The following PCDHA4 variants were observed in gnomAD, a reference collection of about 807,000 sequenced individuals.
PCDHA4 encodes the protein protocadherin alpha-4.
A neutral mutation model predicts 61.4 loss-of-function variants in PCDHA4; 49 were observed. That is an observed-to-expected ratio of 0.80 (90% CI 0.63 to 1.01). PCDHA4 has a LOEUF of 1.01. PCDHA4 is among the 50% of genes least tolerant of loss of function. The pLI, the probability that PCDHA4 is intolerant of heterozygous loss-of-function variation, is 0.00. For synonymous variants in PCDHA4, 590 were observed against 550.3 expected, an observed-to-expected ratio of 1.07 and a Z score of -1.01; for missense variants, 1,254 against 1,235.8, an observed-to-expected ratio of 1.01 and a Z score of -0.22.
chr5:140,838,509 T>C (rs1297577022), intron 1 of PCDHA4, among the ~76,000 whole-genome samples: 1 of 151,988 alleles, frequency 6.6e-6, no homozygotes, highest in Non-Finnish European at 1.5e-5. Context: ...TTTTTAAAAG[T>C]ATTTGCATCT....
intron 1 of PCDHA4, among the ~76,000 whole-genome samples, chr5:140,846,531 T>C (rs1780536785): frequency 6.7e-6 from 1 of 148,410 alleles, no homozygotes; most frequent in African/African-American, 2.5e-5. Flanking sequence ...CATGCCACCA[T>C]GCCCTGCTAA....
At chr5:140,833,334 G>A (rs2150207587) in intron 1 of PCDHA4, among the ~76,000 whole-genome samples, 2 of 152,176 alleles carry the variant, frequency 1.3e-5, no homozygotes, top group Non-Finnish European at 2.9e-5. Context: ...GAACATTGGA[G>A]TGAAACATTC....
intron 2 of PCDHA4, 96 bp from the exon 3 acceptor site, chr5:140,982,379 C>T (rs959359344): frequency 1.4e-5 from 22 of 1,575,004 alleles, no homozygotes; most frequent in South Asian, 3.5e-5. Context: ...TAGCTGCAGC[C>T]CTGGCTTCAT....
chr5:140,934,040 T>C (rs185239175), intron 1 of PCDHA4, among the ~76,000 whole-genome samples: 230 of 152,238 alleles, frequency 1.5e-3, no homozygotes, highest in African/African-American at 5.3e-3. Flanking sequence ...ATTAATGATA[T>C]TAGTCTTTCC....
intron 1 of PCDHA4, chr5:140,884,288 C>T: frequency 6.2e-7 from 1 of 1,613,630 alleles, no homozygotes; most frequent in Non-Finnish European, 8.5e-7. Flanking sequence ...GGAGAGCGGC[C>T]AAGCGCCACA....
At chr5:140,992,188 T>C (rs1193005639) in intron 3 of PCDHA4, among the ~76,000 whole-genome samples, 6 of 152,140 alleles carry the variant, frequency 3.9e-5, no homozygotes, top group African/African-American at 1.4e-4. Flanking sequence ...ATGCTTTCAG[T>C]GATCTATCCA....
chr5:140,902,555 T>C (rs538054274), intron 1 of PCDHA4, among the ~76,000 whole-genome samples: 1 of 152,182 alleles, frequency 6.6e-6, no homozygotes, highest in Non-Finnish European at 1.5e-5. Flanking sequence ...TATACCCAGA[T>C]TTTTGAGGGT....
At chr5:140,835,667 G>A (rs2150241297) in intron 1 of PCDHA4, 2 of 1,613,924 alleles carry the variant, frequency 1.2e-6, no homozygotes, top group Non-Finnish European at 8.5e-7. Context: ...TTACCGCGCG[G>A]GACGGGGGCT....
At chr5:140,962,428 C>G (rs1359949802) in intron 1 of PCDHA4, among the ~76,000 whole-genome samples, 1 of 152,136 alleles carries the variant, frequency 6.6e-6, no homozygotes, top group Non-Finnish European at 1.5e-5. Flanking sequence ...TTTATTGTTA[C>G]TTATCCAAAG....
At chr5:140,875,247 A>T in intron 1 of PCDHA4, 1 of 962,254 alleles carries the variant, frequency 1.0e-6, no homozygotes, top group Non-Finnish European at 1.5e-6. Flanking sequence ...TTACATAATC[A>T]GTCACATGAT....
At chr5:141,006,644 T>C (rs1411431797) in intron 3 of PCDHA4, among the ~76,000 whole-genome samples, 3 of 152,084 alleles carry the variant, frequency 2.0e-5, no homozygotes, top group African/African-American at 7.2e-5. Context: ...ATATAAGAGA[T>C]GATGGTGTCC....
In PCDHA4 at chr5:140,842,019, T is replaced by C. The variant is rs1554138721; in HGVS notation, c.2385+32447T>C. The C allele has an allele frequency of 1.9e-6, 3 of 1,613,812 alleles. No homozygotes were observed. The highest frequency in any genetic ancestry group is 1.6e-4 in the Middle Eastern group (1 of 6,062). ...ACTGTTCAGCTGCTGGTCACAGTGC[T>C]GGATGTGAATGATAATGCTCCCACT... On this transcript the variant is annotated intron_variant, in intron 1 of 3. Transcript: ENST00000530339.
chr5:140,928,473 C>T (rs782009999), intron 1 of PCDHA4: 1 of 1,613,978 alleles, frequency 6.2e-7, no homozygotes, highest in Admixed American at 1.7e-5. Context: ...AAGTAGAAGG[C>T]CGGGATGGTG....
intron 1 of PCDHA4, chr5:140,828,472 C>T (rs1554131328): frequency 1.9e-6 from 3 of 1,614,216 alleles, no homozygotes; most frequent in African/African-American, 1.3e-5. Flanking sequence ...GGGACATTAA[C>T]GACAACCCGC....
rs1402531454 is a variant in PCDHA4 at position 141,011,521 on chromosome 5, TA to T, written c.*1586del. 1 of 153,804 alleles carries T rather than the reference TA, an allele frequency of 6.5e-6. No individual in the cohort carries two copies. The allele number at this position is 153,804 out of a possible 1,614,324, so 9.5% of individuals were successfully genotyped here. A position where few individuals can be genotyped will look rare whatever the true frequency, so the allele number is the denominator to read the frequency against. ...GTGAAAAAGTGGAGTAGTGTTTTTT[TA>T]ACCATTGTTAATCAGCTTTTGTGTA... On this transcript the variant is annotated 3_prime_UTR_variant, in exon 4 of 4. Coordinates refer to ENST00000530339, the MANE Select transcript of PCDHA4 (RefSeq NM_018907.4).
At chr5:140,884,665 A>G (rs1554181817) in intron 1 of PCDHA4, 9 of 1,578,032 alleles carry the variant, frequency 5.7e-6, no homozygotes, top group Non-Finnish European at 7.7e-6. Context: ...TGAAAGAGGT[A>G]AGCTTATATT....
At chr5:140,809,824 C>T (rs1562227381) in intron 1 of PCDHA4, 3 of 381,262 alleles carry the variant, frequency 7.9e-6, no homozygotes, top group Non-Finnish European at 9.3e-6. Flanking sequence ...TATATTCACC[C>T]TCTTTGTTTT....
chr5:140,968,008 C>T, intron 1 of PCDHA4: 1 of 1,614,202 alleles, frequency 6.2e-7, no homozygotes, highest in Non-Finnish European at 8.5e-7. Flanking sequence ...GACTGAATGG[C>T]TTTGGAAACT....
chr5:140,896,980 C>A (rs2065827913), intron 1 of PCDHA4, among the ~76,000 whole-genome samples: 1 of 152,032 alleles, frequency 6.6e-6, no homozygotes, highest in South Asian at 2.1e-4. Context: ...ACAAACAAAC[C>A]AGTTATGCTC....
Sources: allele counts gnomAD v4.1 joint callset (sites outside exome capture counted in the v4.1 genomes callset), GRCh38; gene constraint gnomAD v4.1.1; transcripts MANE v1.5; gene names NCBI Gene and HGNC (gene_info 2026-07-23, HGNC 2026-07-21).